The following IDH2 variants were observed in gnomAD, a reference collection of about 807,000 sequenced individuals.
IDH2 encodes the protein isocitrate dehydrogenase [NADP], mitochondrial.
IDH2 carries 18 observed loss-of-function variants against 50.5 expected under a neutral mutation model. That is an observed-to-expected ratio of 0.36 (90% CI 0.25 to 0.53). IDH2 has a LOEUF of 0.53. Among genes scored for constraint, IDH2 ranks in the 20% least tolerant of loss-of-function variants. The pLI is 0.92. For missense variants in IDH2, 518 were observed against 610.7 expected (o/e 0.85, Z 1.60); for synonymous variants, 280 against 239.8 (o/e 1.17, Z -1.55).
chr15:90,089,513 A>ACC (rs961893800), intron 3 of IDH2, among the ~76,000 whole-genome samples: 1 of 152,002 alleles, frequency 6.6e-6, no homozygotes, highest in African/African-American at 2.4e-5. Flanking sequence ...TAAGGCTGTG[A>ACC]CCCTCTCCTG....
Position 90,084,843 on chromosome 15 carries a change from A to G in IDH2, c.1244T>C (p.Leu415Pro). 6.2e-7 allele frequency: 1 copy of G among 1,613,966 alleles called. No homozygotes were observed. Among genetic ancestry groups the G allele is most frequent in the Non-Finnish European group, 8.5e-7 (1 of 1,179,984 alleles). The change falls in exon 10 of 11, where the codon CTG (leucine) becomes CCG (proline). Residue 415 changes from leucine (L) to proline (P), a missense_variant. By Grantham distance (98) the Leu-to-Pro change is moderately conservative. Around this residue, in one of 5 missense-constraint regions of IDH2, gnomAD observed 135 missense variants for 167.6 expected, o/e 0.81. Coordinates refer to ENST00000330062, the MANE Select transcript of IDH2 (RefSeq NM_002168.4). This position sits in a 1 kb window ranked among gnomAD's most constrained non-coding sequence, Gnocchi z 5.0. Reference protein sequence around the residue: ...TVESGAMTKDLAGCIHGLSNV... With the variant: ...TVESGAMTKDPAGCIHGLSNV... ...GCTGAGGCCGTGAATGCAGCCCGCC[A>G]GGTCCTTGGTCATGGCTCCACTCTC...
At chr15:90,092,570 TATTTTTA>T (rs1411196689) in intron 1 of IDH2, among the ~76,000 whole-genome samples, 2 of 141,878 alleles carry the variant, frequency 1.4e-5, no homozygotes, top group East Asian at 3.9e-4. Context: ...CACACCCAGC[TATTTTTA>T]ATTTTTTTTT....
rs990532894 is a variant in IDH2, at chr15:90,102,464, G to C, written c.-74C>G. 1.0e-5 allele frequency: 9 copies of C among 858,694 alleles called. No individual in the cohort carries two copies. Among genetic ancestry groups the C allele is most frequent in the Non-Finnish European group, 1.4e-5 (9 of 659,370 alleles). The allele number at this position is 858,694 out of a possible 1,614,324, so 53.2% of individuals were successfully genotyped here. The stretch of plus-strand genomic sequence containing the variant: ...CCGCTCCTCCCGGCTGCCTGGCCGC[G>C]GGCTAACGCTGGGCCTGGCGGGCGC... On this transcript the variant is annotated 5_prime_UTR_variant, in exon 1 of 11. Coordinates refer to ENST00000330062, the MANE Select transcript of IDH2 (RefSeq NM_002168.4).
chr15:90,086,926 G>C (rs1900873909), intron 7 of IDH2, among the ~76,000 whole-genome samples, 186 bp downstream of exon 7: 1 of 152,072 alleles, frequency 6.6e-6, no homozygotes, highest in Non-Finnish European at 1.5e-5. Context: ...TCATACACCA[G>C]TCCAAACCTA....
intron 1 of IDH2, 61 bp from the exon 2 acceptor site, chr15:90,091,705 T>C: frequency 7.3e-7 from 1 of 1,374,332 alleles, no homozygotes; most frequent in Non-Finnish European, 1.0e-6. Context: ...GGCCCTCTCC[T>C]CCCAGCCAGG....
At chr15:90,094,763 A>G (rs6496621) in intron 1 of IDH2, among the ~76,000 whole-genome samples, 109,828 of 152,048 alleles carry the variant, frequency 0.72, 39,965 homozygotes, top group East Asian at 0.84. Context: ...AAAATTAGGC[A>G]TGGTGGCACG....
chr15:90,093,515 C>T (rs973555252), intron 1 of IDH2, among the ~76,000 whole-genome samples: 2 of 152,172 alleles, frequency 1.3e-5, no homozygotes, highest in Non-Finnish European at 2.9e-5. Context: ...CTACTATGTG[C>T]CTTACAGTGT....
chr15:90,090,225 C>T (rs1900996225), intron 3 of IDH2, among the ~76,000 whole-genome samples: 1 of 152,208 alleles, frequency 6.6e-6, no homozygotes. Context: ...AACCGTGGAA[C>T]CTGAGGCCAG....
chr15:90,086,018 C>T (rs115464181), intron 7 of IDH2, among the ~76,000 whole-genome samples: 2,172 of 152,194 alleles, frequency 0.014, 28 homozygotes, highest in Middle Eastern at 0.031. Flanking sequence ...GTAAGCAATC[C>T]CTTCTCCATT....
chr15:90,090,699 A>G, intron 2 of IDH2, 55 bp from the exon 3 acceptor site: 1 of 1,581,606 alleles, frequency 6.3e-7, no homozygotes, highest in South Asian at 1.1e-5. Context: ...GGACATGACA[A>G]CAAAGGGCAG....
Position 90,098,341 on chromosome 15 carries a change from C to CGCAG in IDH2, c.115+3931_115+3934dup, listed in dbSNP as rs967127953. Among the ~76,000 whole-genome samples, 38 of 152,286 alleles carry CGCAG rather than the reference C, an allele frequency of 2.5e-4. No individual in the cohort carries two copies. The highest frequency in any genetic ancestry group is 9.1e-4 in the African/African-American group (38 of 41,558). ...CCCAGCAGGAGGCTAGAGGTCCAGC[C>CGCAG]GCAGGCAGCCAGCCCCAGGCATAAC... On this transcript the variant is annotated intron_variant, in intron 1 of 10. Transcript: ENST00000330062. The surrounding 1 kb of genome is among the most constrained non-coding windows in gnomAD (Gnocchi z 5.1).
chr15:90,090,714 AG>A (rs1340013719), intron 2 of IDH2, 70 bp from the exon 3 acceptor site: 7 of 1,499,146 alleles, frequency 4.7e-6, no homozygotes, highest in Non-Finnish European at 6.5e-6. Context: ...GGGCAGGATA[AG>A]AAGTCTGCAG....
chr15:90,099,958 G>C (rs918360309), intron 1 of IDH2, among the ~76,000 whole-genome samples: 14 of 152,102 alleles, frequency 9.2e-5, no homozygotes, highest in Non-Finnish European at 1.9e-4. Flanking sequence ...CATAAATAAA[G>C]GTCAAGTTGA....
intron 1 of IDH2, among the ~76,000 whole-genome samples, chr15:90,097,831 C>G (rs556197207): frequency 6.6e-6 from 1 of 151,960 alleles, no homozygotes; most frequent in Non-Finnish European, 1.5e-5. Flanking sequence ...ACGTTTTTTA[C>G]CAAAATAATA....
chr15:90,102,344 C>T lies in IDH2; in HGVS notation c.47G>A (p.Gly16Asp), dbSNP rs775225193. Reference sequence around the variant, plus strand: ...CGCCGGCGCCCAGGCCGGCCGCGAGCCTGAGGCTCTGCAGAGCGAGCGCAC... The same window carrying T: ...CGCCGGCGCCCAGGCCGGCCGCGAGTCTGAGGCTCTGCAGAGCGAGCGCAC... ...RVVRSLCRAS[G>D]SRPAWAPAAL... is the part of the protein sequence containing the mutation. The change falls in exon 1 of 11, where the codon GGC (glycine) becomes GAC (aspartate). Residue 16 changes from glycine (G) to aspartate (D), a missense_variant. Transcript: ENST00000330062. 9.2e-5 allele frequency: 126 copies of T among 1,369,046 alleles called. No homozygotes were observed. Among genetic ancestry groups the T allele is most frequent in the Middle Eastern group, 4.7e-4 (2 of 4,268 alleles). The allele number at this position is 1,369,046 out of a possible 1,614,324, so 84.8% of individuals were successfully genotyped here. A position where few individuals can be genotyped will look rare whatever the true frequency, so the allele number is the denominator to read the frequency against.
chr15:90,091,110 A>C (rs2151551593), intron 2 of IDH2, among the ~76,000 whole-genome samples: 1 of 152,260 alleles, frequency 6.6e-6, no homozygotes, highest in Non-Finnish European at 1.5e-5. Context: ...ACATACATAG[A>C]CCACGGCAAC....
In IDH2 at chr15:90,100,737, T is replaced by A. The variant is rs570174492; in HGVS notation, c.115+1539A>T. 9 of 778,848 alleles carry A rather than the reference T, an allele frequency of 1.2e-5. 1 individual carries two copies. The South Asian group carries it at 4.1e-4, about 35-fold the overall frequency. 48.2% of individuals were successfully genotyped at this position (778,848 alleles called of 1,614,324 possible). ...CCAAGTATTCTGTCTCCAGCTGCGT[T>A]GCCAGGTAACAAGCTGGCAGAGTCG... On this transcript the variant is annotated intron_variant, in intron 1 of 10. Coordinates refer to ENST00000330062, the MANE Select transcript of IDH2 (RefSeq NM_002168.4). The surrounding 1 kb of genome is among the most constrained non-coding windows in gnomAD (Gnocchi z 4.1).
chr15:90,088,598 G>A lies in IDH2; in HGVS notation c.523C>T (p.His175Tyr), dbSNP rs1900938886. The change falls in exon 4 of 11, where the codon CAT becomes TAT. Residue 175 changes from histidine to tyrosine, a missense_variant. Coordinates refer to ENST00000330062, the MANE Select transcript of IDH2 (RefSeq NM_002168.4). ...CCACCCTGGCCTACCTGGTCGCCAT[G>A]GGCGTGCCTGCCAATGGTGATGGGC... ...TKPITIGRHA[H>Y]GDQYKATDFV... 2 of 1,614,104 alleles carry A rather than the reference G, an allele frequency of 1.2e-6. No homozygotes were observed. Among genetic ancestry groups the A allele is most frequent in the East Asian group, 2.2e-5 (1 of 44,896 alleles).
At chr15:90,099,229 G>A (rs763398117) in intron 1 of IDH2, among the ~76,000 whole-genome samples, 4 of 152,204 alleles carry the variant, frequency 2.6e-5, no homozygotes, top group Non-Finnish European at 5.9e-5. Flanking sequence ...GCCCTCTACA[G>A]ACCCCACTGC....
Sources: allele counts gnomAD v4.1 joint callset (sites outside exome capture counted in the v4.1 genomes callset), GRCh38; gene constraint gnomAD v4.1.1; regional missense constraint gnomAD v4.1.1; non-coding constraint Gnocchi (gnomAD v3.1); transcripts MANE v1.5; gene names NCBI Gene and HGNC (gene_info 2026-07-23, HGNC 2026-07-21).